PCNX2: variants seen among roughly 807,000 people sequenced by gnomAD.
The protein encoded by PCNX2 is pecanex 2.
In PCNX2, 168 loss-of-function variants were observed where a neutral mutation model predicts 223.8. The observed-to-expected ratio is 0.75, with a 90% CI of 0.66 to 0.85. The LOEUF (loss-of-function observed/expected upper bound fraction) is 0.85, where lower values mean the gene tolerates loss of function less well. Among genes scored for constraint, PCNX2 ranks in the 40% least tolerant of loss-of-function variants. The pLI is 0.00. For synonymous variants in PCNX2, 1,006 were observed against 1,052.6 expected (o/e 0.96, Z 0.86); for missense variants, 2,507 against 2,675.5 (o/e 0.94, Z 1.39).
At chr1:233,109,729 C>G (rs955169009) in intron 21 of PCNX2, among the ~76,000 whole-genome samples, 4 of 152,136 alleles carry the variant, frequency 2.6e-5, no homozygotes, top group Non-Finnish European at 5.9e-5. Flanking sequence ...TTTTGAACCT[C>G]AGAAAGAGAA....
At chr1:233,014,506 AT>A (rs1002607918) in intron 28 of PCNX2, among the ~76,000 whole-genome samples, 158 bp downstream of exon 28, 39 of 152,334 alleles carry the variant, frequency 2.6e-4, no homozygotes, top group African/African-American at 8.7e-4. Context: ...ATCAAAAAAA[AT>A]GTTCATGTAG....
At position 233,177,315 on chromosome 1, in the gene PCNX2, A is replaced by C. The variant is rs1216307003; in HGVS notation, c.3273+487T>G. On this transcript the variant is annotated intron_variant, in intron 17 of 33. Coordinates refer to ENST00000258229, the MANE Select transcript of PCNX2 (RefSeq NM_014801.4). ...ATTTAAAGGTGTTTTTACCTTTCTT[A>C]GCATTCCACAAGTTACTTCCTCCTT... Among the ~76,000 whole-genome samples, 2 of 152,198 alleles carry C rather than the reference A, an allele frequency of 1.3e-5. 1 individual carries two copies. Among genetic ancestry groups the C allele is most frequent in the Non-Finnish European group, 2.9e-5 (2 of 68,036 alleles).
At chr1:233,095,529 T>C in intron 22 of PCNX2, 1 of 540,864 alleles carries the variant, frequency 1.8e-6, no homozygotes, top group Non-Finnish European at 3.3e-6. Context: ...CCAGAAAAAA[T>C]AAAAGTAACT....
chr1:233,245,978 CT>C (rs1659092556), intron 8 of PCNX2, among the ~76,000 whole-genome samples: 1 of 152,100 alleles, frequency 6.6e-6, no homozygotes, highest in Non-Finnish European at 1.5e-5. Flanking sequence ...ACAAAATACA[CT>C]TTTAGATACA....
chr1:233,048,967 A>C (rs914461081), intron 25 of PCNX2, among the ~76,000 whole-genome samples: 1 of 152,170 alleles, frequency 6.6e-6, no homozygotes, highest in African/African-American at 2.4e-5. Flanking sequence ...GGAAGAAATT[A>C]AAACCCTAAA....
chr1:233,280,078 T>C (rs1388589781), intron 1 of PCNX2, among the ~76,000 whole-genome samples: 2 of 152,194 alleles, frequency 1.3e-5, no homozygotes, highest in Admixed American at 1.3e-4. Context: ...CAGTGTTATC[T>C]GGAGATCCCT....
At chr1:233,262,338 A>G (rs1304213407) in intron 2 of PCNX2, among the ~76,000 whole-genome samples, 173 bp from the exon 3 acceptor site, 2 of 152,096 alleles carry the variant, frequency 1.3e-5, no homozygotes, top group East Asian at 1.9e-4. Flanking sequence ...GTCTGGGTAG[A>G]CTGGAATGCA....
chr1:233,164,925 T>C (rs931010620), intron 17 of PCNX2, among the ~76,000 whole-genome samples: 6 of 152,108 alleles, frequency 3.9e-5, no homozygotes, highest in African/African-American at 9.7e-5. Context: ...TACAAAATTA[T>C]AGTTAGAAAG....
At chr1:233,059,421 C>T (rs1279493514) in intron 23 of PCNX2, among the ~76,000 whole-genome samples, 1 of 152,132 alleles carries the variant, frequency 6.6e-6, no homozygotes, top group Non-Finnish European at 1.5e-5. Context: ...ACTCATTATA[C>T]CCATTCTCAC....
intron 22 of PCNX2, among the ~76,000 whole-genome samples, chr1:233,094,738 G>C (rs1227478684): frequency 2.0e-5 from 3 of 152,172 alleles, no homozygotes; most frequent in Non-Finnish European, 4.4e-5. Context: ...AGAGAGTTCT[G>C]AGTGGTCATT....
intron 17 of PCNX2, among the ~76,000 whole-genome samples, chr1:233,165,359 T>C (rs764810177): frequency 6.6e-6 from 1 of 152,156 alleles, no homozygotes; most frequent in African/African-American, 2.4e-5. Context: ...TTTTACAATT[T>C]GAGGAAGGGA....
intron 9 of PCNX2, among the ~76,000 whole-genome samples, chr1:233,233,148 T>C (rs112744471): frequency 1.3e-3 from 195 of 152,220 alleles, no homozygotes; most frequent in African/African-American, 4.1e-3. Context: ...ATTGGGACAA[T>C]GTAAGATTTT....
chr1:233,173,926 A>G (rs992222495), intron 17 of PCNX2, among the ~76,000 whole-genome samples: 3 of 151,652 alleles, frequency 2.0e-5, no homozygotes, highest in African/African-American at 7.3e-5. Flanking sequence ...TATTAATCAT[A>G]GTTGATTATA....
chr1:233,091,286 A>C (rs891850826), intron 22 of PCNX2, among the ~76,000 whole-genome samples: 15 of 152,254 alleles, frequency 9.9e-5, no homozygotes, highest in African/African-American at 3.1e-4. Flanking sequence ...CTCACTGCTG[A>C]ACTAAGGAGG....
At chr1:233,248,947 T>C (rs1420545358) in intron 8 of PCNX2, among the ~76,000 whole-genome samples, 1 of 152,004 alleles carries the variant, frequency 6.6e-6, no homozygotes, top group Non-Finnish European at 1.5e-5. Flanking sequence ...GCAGGTTAAA[T>C]ATAAAAGAGC....
chr1:233,100,727 A>C (rs1674441034), intron 21 of PCNX2, among the ~76,000 whole-genome samples: 1 of 152,166 alleles, frequency 6.6e-6, no homozygotes, highest in South Asian at 2.1e-4. Context: ...ATAACTGGCT[A>C]CTTACAGAAT....
intron 23 of PCNX2, among the ~76,000 whole-genome samples, chr1:233,079,348 C>A (rs546139053): frequency 4.0e-4 from 61 of 151,924 alleles, no homozygotes; most frequent in South Asian, 1.5e-3. Context: ...TGTAGTGAAA[C>A]CCCCGTCTCT....
At chr1:233,088,505 T>G (rs1480522202) in intron 23 of PCNX2, among the ~76,000 whole-genome samples, 1 of 152,342 alleles carries the variant, frequency 6.6e-6, no homozygotes, top group East Asian at 1.9e-4. Flanking sequence ...TGTGGTAGTT[T>G]TTTTTTACTC....
intron 24 of PCNX2, chr1:233,054,705 C>T (rs555564510): frequency 5.1e-5 from 23 of 455,282 alleles, no homozygotes; most frequent in East Asian, 4.5e-4. Context: ...TAAGCAGCAT[C>T]GATTTATATA....
Sources: gnomAD v4.1 joint callset for allele counts (sites outside exome capture counted in the v4.1 genomes callset) on GRCh38, gnomAD v4.1.1 for gene constraint, MANE v1.5 for transcripts, NCBI Gene and HGNC (gene_info 2026-07-23, HGNC 2026-07-21) for gene names.